Variants in RAB39A observed in about 807,000 individuals in gnomAD.
The protein encoded by RAB39A is RAB39A, member RAS oncogene family.
In RAB39A, 17 loss-of-function variants were observed where a neutral mutation model predicts 20.9. The ratio of observed to expected loss-of-function variants is 0.81; its 90% CI spans 0.56 to 1.22. RAB39A has a LOEUF of 1.22. Ranked by LOEUF, RAB39A falls within the 50% of genes most tolerant of loss-of-function variation. RAB39A has a pLI of 0.00. For synonymous variants in RAB39A, 99 were observed against 103.4 expected (o/e 0.96, Z 0.26); for missense variants, 234 against 270.5 (o/e 0.87, Z 0.95).
intron 1 of RAB39A, among the ~76,000 whole-genome samples, chr11:107,933,722 G>A (rs530214953): frequency 1.4e-5 from 2 of 144,944 alleles, no homozygotes; most frequent in East Asian, 4.1e-4. Flanking sequence ...GTGCAGTGGC[G>A]CAATCTCGGC....
chr11:107,932,726 T>C (rs977537153), intron 1 of RAB39A, among the ~76,000 whole-genome samples: 13 of 152,292 alleles, frequency 8.5e-5, no homozygotes, highest in Middle Eastern at 3.4e-3. Context: ...TTTTGTTTTG[T>C]TTTTTGAGAC....
chr11:107,935,610 A>G (rs1207315772), intron 1 of RAB39A, among the ~76,000 whole-genome samples: 4 of 152,082 alleles, frequency 2.6e-5, no homozygotes, highest in African/African-American at 9.7e-5. Flanking sequence ...TCCTGACCTC[A>G]GGTGATTCAC....
In RAB39A at chr11:107,962,987, A is replaced by G. The variant is rs1170221846; in HGVS notation, c.*615A>G. The G allele has an allele frequency of 6.6e-6, 1 of 152,216 alleles. No individual in the cohort carries two copies. Among genetic ancestry groups the G allele is most frequent in the Non-Finnish European group, 1.5e-5 (1 of 68,034 alleles). The allele number at this position is 152,216 out of a possible 1,614,324, so 9.4% of individuals were successfully genotyped here. A position where few individuals can be genotyped will look rare whatever the true frequency, so the allele number is the denominator to read the frequency against. On this transcript the variant is annotated 3_prime_UTR_variant, in exon 2 of 2. Transcript: ENST00000320578. ...AAAATGCATTATGTTTTACAAAGAT[A>G]TCTAAGGATCCAAGCAAACTACTTT...
chr11:107,938,132 C>T (rs1054011525), intron 1 of RAB39A, among the ~76,000 whole-genome samples: 4 of 150,742 alleles, frequency 2.7e-5, no homozygotes, highest in Non-Finnish European at 5.9e-5. Context: ...GGAGGCCGAG[C>T]CGGGCGGATC....
At chr11:107,958,069 T>G (rs1298374003) in intron 1 of RAB39A, among the ~76,000 whole-genome samples, 1 of 152,082 alleles carries the variant, frequency 6.6e-6, no homozygotes, top group Non-Finnish European at 1.5e-5. Flanking sequence ...TTTATGTATT[T>G]TTGGTAGAGA....
intron 1 of RAB39A, among the ~76,000 whole-genome samples, chr11:107,938,392 C>T (rs1323482129): frequency 2.1e-5 from 3 of 144,056 alleles, no homozygotes; most frequent in African/African-American, 7.7e-5. Context: ...AATGAGACAG[C>T]ATCGTTTCTA....
At chr11:107,935,134 C>T (rs1291428673) in intron 1 of RAB39A, among the ~76,000 whole-genome samples, 1 of 152,038 alleles carries the variant, frequency 6.6e-6, no homozygotes, top group Non-Finnish European at 1.5e-5. Flanking sequence ...CGATCCAGAC[C>T]CCAAGAGAGG....
chr11:107,930,788 A>G (rs1314773369), intron 1 of RAB39A, among the ~76,000 whole-genome samples: 2 of 151,880 alleles, frequency 1.3e-5, no homozygotes, highest in Non-Finnish European at 2.9e-5. Context: ...CCTGGGAGGC[A>G]GAGTTTGCAG....
At chr11:107,935,853 A>T (rs1392365889) in intron 1 of RAB39A, among the ~76,000 whole-genome samples, 1 of 42,440 alleles carries the variant, frequency 2.4e-5, no homozygotes, top group African/African-American at 9.6e-5. Context: ...TCTAGAGGCT[A>T]GGAATGCCCA....
intron 1 of RAB39A, among the ~76,000 whole-genome samples, chr11:107,936,883 G>A (rs192920994): frequency 1.3e-5 from 2 of 150,482 alleles, no homozygotes; most frequent in East Asian, 2.0e-4. Context: ...GCAGTGAGCC[G>A]AGATTGCGCC....
chr11:107,947,877 A>G (rs35256015), intron 1 of RAB39A, among the ~76,000 whole-genome samples: 1 of 151,930 alleles, frequency 6.6e-6, no homozygotes, highest in African/African-American at 2.4e-5. Context: ...TTATCACTCA[A>G]CTGTGAGAGC....
intron 1 of RAB39A, among the ~76,000 whole-genome samples, chr11:107,952,323 T>C (rs1191972349): frequency 6.6e-6 from 1 of 152,210 alleles, no homozygotes; most frequent in Non-Finnish European, 1.5e-5. Context: ...GGCTCATGCC[T>C]ATAATCCCAG....
At chr11:107,947,974 A>T (rs1312333354) in intron 1 of RAB39A, among the ~76,000 whole-genome samples, 1 of 46,502 alleles carries the variant, frequency 2.2e-5, no homozygotes, top group South Asian at 1.0e-3. Context: ...TGTGCTATAC[A>T]CACACGTACA....
rs929008039 is a variant in RAB39A, at chr11:107,950,752, C to T, written c.228-11194C>T. 3.0e-5 allele frequency among the ~76,000 whole-genome samples: 4 copies of T among 135,406 alleles called. No individual in the cohort carries two copies. The South Asian group carries it at 7.7e-4, about 26-fold the overall frequency. 88.8% of individuals were successfully genotyped at this position (135,406 alleles called of 152,430 possible). ...CTGCACTCCAGCCTGGGCGACAGAG[C>T]GAGACCCTGTCTAAAAAAAAAAAAA... On this transcript the variant is annotated intron_variant, in intron 1 of 1. Transcript: ENST00000320578.
At chr11:107,935,697 A>C (rs1303151095) in intron 1 of RAB39A, among the ~76,000 whole-genome samples, 1 of 151,730 alleles carries the variant, frequency 6.6e-6, no homozygotes. Flanking sequence ...AATTTTCTTA[A>C]TTACCACATT....
chr11:107,933,825 T>G (rs1861165698), intron 1 of RAB39A, among the ~76,000 whole-genome samples: 1 of 151,140 alleles, frequency 6.6e-6, no homozygotes, highest in African/African-American at 2.4e-5. Flanking sequence ...TCAACTAATT[T>G]TTGTACTTTT....
At chr11:107,956,428 A>G (rs1051082385) in intron 1 of RAB39A, among the ~76,000 whole-genome samples, 2 of 152,200 alleles carry the variant, frequency 1.3e-5, no homozygotes, top group African/African-American at 4.8e-5. Flanking sequence ...AAAGGAGGGA[A>G]AAGGACGCTA....
intron 1 of RAB39A, among the ~76,000 whole-genome samples, chr11:107,954,234 C>A (rs868098155): frequency 2.0e-5 from 3 of 152,140 alleles, no homozygotes; most frequent in African/African-American, 7.2e-5. Flanking sequence ...GTCTATTGAG[C>A]CCAGGTACAG....
chr11:107,935,620 C>G (rs536439211), intron 1 of RAB39A, among the ~76,000 whole-genome samples: 1 of 152,220 alleles, frequency 6.6e-6, no homozygotes, highest in African/African-American at 2.4e-5. Context: ...AGGTGATTCA[C>G]CTGCCTCGGC....
Sources: gnomAD v4.1 joint callset for allele counts (sites outside exome capture counted in the v4.1 genomes callset) on GRCh38, gnomAD v4.1.1 for gene constraint, MANE v1.5 for transcripts, NCBI Gene and HGNC (gene_info 2026-07-23, HGNC 2026-07-21) for gene names.